MYO6: variants seen among roughly 807,000 people sequenced by gnomAD.
MYO6 encodes myosin VI, also known as unconventional myosin-VI.
Under a neutral mutation model 178.7 loss-of-function variants are expected in MYO6, and 74 were observed. The observed-to-expected ratio is 0.41, with a 90% CI of 0.34 to 0.50. The LOEUF is 0.50. Among genes scored for constraint, MYO6 ranks in the 20% least tolerant of loss-of-function variants. MYO6 has a pLI of 0.09. For missense variants in MYO6, 1,330 were observed against 1,547.4 expected (o/e 0.86, Z 2.36); for synonymous variants, 477 against 504.6 (o/e 0.95, Z 0.73).
intron 7 of MYO6, among the ~76,000 whole-genome samples, chr6:75,836,240 A>G (rs1255554279): frequency 1.3e-5 from 2 of 152,244 alleles, no homozygotes; most frequent in African/African-American, 4.8e-5. Context: ...GAAAGAATAC[A>G]GGAATGTCTT....
At chr6:75,847,923 G>A (rs553444654) in intron 10 of MYO6, among the ~76,000 whole-genome samples, 165 of 151,836 alleles carry the variant, frequency 1.1e-3, no homozygotes, top group Non-Finnish European at 1.9e-3. Context: ...TTTGATACAT[G>A]TATACATTGT....
In MYO6 at chr6:75,881,779, T is replaced by C. The variant is rs1473683198; in HGVS notation, c.2377T>C (p.Trp793Arg). The stretch of plus-strand genomic sequence containing the variant: ...CAATCACTGGCTCACATGCAGTCGC[T>C]GGAAGAAAGTTCAGTGGTGCTCACT... Reference protein sequence around the residue: ...RVNHWLTCSRWKKVQWCSLSV... With the variant: ...RVNHWLTCSRRKKVQWCSLSV... The change falls in exon 23 of 35, where the codon TGG becomes CGG. Residue 793 changes from tryptophan (W) to arginine (R), a missense_variant. This residue lies in a region of MYO6 where 601 missense variants were observed against 626.1 expected (regional missense o/e 0.96). Transcript: ENST00000369977. 2.5e-6 allele frequency: 4 copies of C among 1,614,012 alleles called. No homozygotes were observed. The highest frequency in any genetic ancestry group is 2.2e-5 in the East Asian group (1 of 44,868).
intron 7 of MYO6, 90 bp from the exon 8 acceptor site, chr6:75,840,495 C>T: frequency 1.1e-6 from 1 of 879,608 alleles, no homozygotes; most frequent in Non-Finnish European, 1.9e-6. Context: ...TTTTTCTAGA[C>T]ATATATATTA....
intron 1 of MYO6, among the ~76,000 whole-genome samples, chr6:75,751,289 T>C (rs532627219): frequency 5.7e-4 from 87 of 152,360 alleles, no homozygotes; most frequent in Non-Finnish European, 1.0e-3. Context: ...TTGTATTTTT[T>C]GTGTGACATG....
intron 1 of MYO6, among the ~76,000 whole-genome samples, chr6:75,759,660 A>G (rs954632520): frequency 3.3e-5 from 5 of 152,130 alleles, no homozygotes; most frequent in Admixed American, 6.5e-5. Context: ...GAGATTAACT[A>G]GGACATTATT....
At chr6:75,753,051 T>C (rs918198257) in intron 1 of MYO6, among the ~76,000 whole-genome samples, 1 of 152,192 alleles carries the variant, frequency 6.6e-6, no homozygotes, top group Non-Finnish European at 1.5e-5. Context: ...ATCTTTTCTA[T>C]GGTCTGTGGA....
intron 16 of MYO6, 89 bp downstream of exon 16, chr6:75,862,812 A>G (rs1396587357): frequency 6.8e-7 from 1 of 1,469,312 alleles, no homozygotes; most frequent in African/African-American, 1.4e-5. Flanking sequence ...CTAGATAATT[A>G]GAATAAAAAT....
intron 1 of MYO6, among the ~76,000 whole-genome samples, chr6:75,815,576 T>C (rs1771143731): frequency 6.6e-6 from 1 of 152,238 alleles, no homozygotes; most frequent in African/African-American, 2.4e-5. Flanking sequence ...TTGATTCACT[T>C]CTATGAAGAC....
intron 11 of MYO6, among the ~76,000 whole-genome samples, 158 bp from the exon 12 acceptor site, chr6:75,854,981 G>A (rs1775614061): frequency 6.6e-6 from 1 of 152,148 alleles, no homozygotes; most frequent in Non-Finnish European, 1.5e-5. Context: ...ACGGGTGTTT[G>A]ACAAGGATAG....
At chr6:75,849,909 G>A (rs1237787462) in intron 11 of MYO6, among the ~76,000 whole-genome samples, 3 of 152,096 alleles carry the variant, frequency 2.0e-5, no homozygotes, top group Non-Finnish European at 4.4e-5. Context: ...TGTTTACAAG[G>A]AGTTGGAATT....
intron 29 of MYO6, among the ~76,000 whole-genome samples, chr6:75,897,375 G>GT (rs1250601291): frequency 6.6e-6 from 1 of 152,168 alleles, no homozygotes; most frequent in African/African-American, 2.4e-5. Flanking sequence ...GTTATATTTT[G>GT]TTTTTGCTGT....
intron 5 of MYO6, among the ~76,000 whole-genome samples, chr6:75,830,961 G>C (rs1773016283): frequency 6.6e-6 from 1 of 152,082 alleles, no homozygotes; most frequent in African/African-American, 2.4e-5. Flanking sequence ...TGTGTTACTT[G>C]GGCTAGATTT....
rs570883392 is a variant in MYO6 at position 75,758,412 on chromosome 6, A to G, written c.-48+8989A>G. Among the ~76,000 whole-genome samples the G allele has an allele frequency of 3.9e-5, 6 of 152,194 alleles. No homozygotes were observed. The East Asian group carries it at 7.7e-4, about 20-fold the overall frequency. On this transcript the variant is annotated intron_variant, in intron 1 of 34. Transcript: ENST00000369977. ...TAGCATTGTATGGAGAAGACAATGC[A>G]GTGTTAAATTTCGCACCTAAATTAG... is the stretch of plus-strand genomic sequence containing the variant.
intron 2 of MYO6, among the ~76,000 whole-genome samples, chr6:75,819,885 C>T (rs779822325): frequency 1.1e-4 from 17 of 152,220 alleles, no homozygotes; most frequent in Admixed American, 6.5e-4. Flanking sequence ...GAGACCTCAT[C>T]TCTACAAAAA....
chr6:75,904,943 A>G (rs536858131), intron 30 of MYO6, among the ~76,000 whole-genome samples: 1 of 151,588 alleles, frequency 6.6e-6, no homozygotes, highest in South Asian at 2.1e-4. Context: ...TTTTCCTTCT[A>G]CAGACAGGAC....
chr6:75,880,240 A>G (rs1056172748), intron 22 of MYO6, 120 bp downstream of exon 22: 1 of 763,956 alleles, frequency 1.3e-6, no homozygotes, highest in African/African-American at 1.8e-5. Context: ...CACTAACAAC[A>G]TGAATTGCTA....
rs187811833 is a variant in MYO6 at position 75,830,407 on chromosome 6, C to T, written c.262-9C>T. ...TGGAATATTTTATGTTTATGCTTTT[C>T]GTATTTAGACATATGTCGCCAACAT... On this transcript the variant is annotated splice_polypyrimidine_tract_variant and intron_variant, in intron 4 of 34. Transcript: ENST00000369977. The T allele has an allele frequency of 2.1e-4, 337 of 1,606,744 alleles. 5 individuals are homozygous for T. The East Asian group carries it at 6.1e-3, about 29-fold the overall frequency.
chr6:75,895,142 T>A, intron 28 of MYO6, 89 bp from the exon 29 acceptor site: 2 of 972,630 alleles, frequency 2.1e-6, no homozygotes, highest in Non-Finnish European at 3.2e-6. Context: ...AATCAATGAG[T>A]AAAGTAATTG....
At chr6:75,875,846 C>T (rs1407430419) in intron 20 of MYO6, among the ~76,000 whole-genome samples, 1 of 152,156 alleles carries the variant, frequency 6.6e-6, no homozygotes. Flanking sequence ...CACATGCATC[C>T]AGAATTATCA....
Sources: gnomAD v4.1 joint callset for allele counts (sites outside exome capture counted in the v4.1 genomes callset) on GRCh38, gnomAD v4.1.1 for gene constraint, gnomAD v4.1.1 regional missense constraint, MANE v1.5 for transcripts, NCBI Gene and HGNC (gene_info 2026-07-23, HGNC 2026-07-21) for gene names.